TM7SF3: variants seen among roughly 807,000 people sequenced by gnomAD.
TM7SF3 encodes the protein transmembrane 7 superfamily member 3.
Under a neutral mutation model 65.5 loss-of-function variants are expected in TM7SF3, and 60 were observed. The observed-to-expected ratio is 0.92, with a 90% CI of 0.74 to 1.14. TM7SF3 has a LOEUF of 1.14. TM7SF3 is among the 50% of genes most tolerant of loss of function. The probability of loss-of-function intolerance (pLI) is 0.00; values close to 1 mark genes in which losing one functional copy is unlikely to be tolerated. For synonymous variants in TM7SF3, 264 were observed against 259.6 expected (o/e 1.02, Z -0.16); for missense variants, 623 against 684.8 (o/e 0.91, Z 1.01).
intron 7 of TM7SF3, among the ~76,000 whole-genome samples, chr12:26,981,177 C>A (rs1442350065): frequency 6.6e-6 from 1 of 152,190 alleles, no homozygotes. Context: ...CCTGGTAATG[C>A]AAGTATACAG....
chr12:27,009,128 T>C (rs994930674), intron 1 of TM7SF3, among the ~76,000 whole-genome samples: 4 of 152,222 alleles, frequency 2.6e-5, no homozygotes, highest in Admixed American at 2.0e-4. Flanking sequence ...CTGGCTTATT[T>C]GTCTAGCTAT....
At chr12:26,977,767 TGTGTG>T (rs2136377685) in intron 9 of TM7SF3, among the ~76,000 whole-genome samples, 1 of 1,190 alleles carries the variant, frequency 8.4e-4, no homozygotes, top group Non-Finnish European at 2.0e-3. Flanking sequence ...AAAAAAATAA[TGTGTG>T]TGTGTGTGTG....
chr12:26,973,843 A>T lies in TM7SF3; in HGVS notation c.*122T>A. The stretch of plus-strand genomic sequence containing the variant: ...CTTACCATATATCAATAAGGGCACC[A>T]TAATATTATGCAAAGAACAGATATA... On this transcript the variant is annotated 3_prime_UTR_variant, in exon 12 of 12. Coordinates refer to ENST00000343028, the MANE Select transcript of TM7SF3 (RefSeq NM_016551.3). 7.9e-7 allele frequency: 1 copy of T among 1,266,728 alleles called. No individual in the cohort carries two copies. The highest frequency in any genetic ancestry group is 1.1e-6 in the Non-Finnish European group (1 of 919,916). The allele number at this position is 1,266,728 out of a possible 1,614,324, so 78.5% of individuals were successfully genotyped here.
intron 6 of TM7SF3, 42 bp from the exon 7 acceptor site, chr12:26,982,901 G>T: frequency 7.3e-7 from 1 of 1,363,556 alleles, no homozygotes; most frequent in South Asian, 1.3e-5. Flanking sequence ...CATCCAATTT[G>T]ATACTTTGTA....
intron 6 of TM7SF3, among the ~76,000 whole-genome samples, chr12:26,985,647 AAAAAAAT>A (rs1940031432): frequency 6.2e-5 from 3 of 48,398 alleles, no homozygotes; most frequent in Non-Finnish European, 7.8e-5. Context: ...AAAAAAAAAA[AAAAAAAT>A]ATATATATAT....
At chr12:27,000,468 C>CT (rs964053045) in intron 2 of TM7SF3, among the ~76,000 whole-genome samples, 29 of 150,964 alleles carry the variant, frequency 1.9e-4, no homozygotes, top group African/African-American at 5.8e-4. Context: ...TATAATTTTT[C>CT]TTTTTTTTTG....
chr12:26,973,997 G>A lies in TM7SF3; in HGVS notation c.1681C>T (p.Pro561Ser). ...AGCAAAGGCGTTCTCTCTCCAGCTG[G>A]CTGCTCCTTCTGGAAGAGCCCTTTA... ...QIKGLFQKEQ[P>S]AGERTPLLL Residue 561 changes from proline (P) to serine (S), a missense_variant, in exon 12 of 12, where the codon CCA becomes TCA. Physicochemically the swap from Pro to Ser is moderately conservative, Grantham distance 74. Coordinates refer to ENST00000343028, the MANE Select transcript of TM7SF3 (RefSeq NM_016551.3). 1 of 1,614,192 alleles carries A rather than the reference G, an allele frequency of 6.2e-7. No individual in the cohort carries two copies. The highest frequency in any genetic ancestry group is 8.5e-7 in the Non-Finnish European group (1 of 1,180,042).
chr12:27,000,142 G>A (rs564278528), intron 2 of TM7SF3, among the ~76,000 whole-genome samples: 426 of 152,258 alleles, frequency 2.8e-3, no homozygotes, highest in South Asian at 6.8e-3. Context: ...CTAAATGGGG[G>A]CCCATGACCT....
At chr12:27,000,604 C>T (rs1478774733) in intron 2 of TM7SF3, among the ~76,000 whole-genome samples, 3 of 152,094 alleles carry the variant, frequency 2.0e-5, no homozygotes, top group African/African-American at 4.8e-5. Context: ...GGACTACAGG[C>T]GCCTGCCACC....
intron 2 of TM7SF3, among the ~76,000 whole-genome samples, chr12:27,002,405 C>T (rs529924546): frequency 6.6e-6 from 1 of 151,038 alleles, no homozygotes; most frequent in South Asian, 2.1e-4. Flanking sequence ...CACATTCCGG[C>T]GTGGGTGATG....
chr12:27,012,655 A>C (rs113185201), intron 1 of TM7SF3: 6 of 455,942 alleles, frequency 1.3e-5, no homozygotes, highest in African/African-American at 1.0e-4. Context: ...ACCAAGCACA[A>C]GACTTACAAT....
chr12:26,977,009 C>A (rs1157383245), intron 9 of TM7SF3, among the ~76,000 whole-genome samples: 1 of 152,172 alleles, frequency 6.6e-6, no homozygotes, highest in African/African-American at 2.4e-5. Flanking sequence ...TATGAGAACT[C>A]CTCTTTATAA....
intron 11 of TM7SF3, among the ~76,000 whole-genome samples, chr12:26,974,660 AC>A (rs1939495546): frequency 6.6e-6 from 1 of 152,146 alleles, no homozygotes; most frequent in African/African-American, 2.4e-5. Flanking sequence ...GCCCTACTGC[AC>A]TCACAGTGTA....
chr12:27,006,866 A>G (rs1941058607), intron 1 of TM7SF3, among the ~76,000 whole-genome samples: 2 of 152,238 alleles, frequency 1.3e-5, no homozygotes, highest in South Asian at 4.1e-4. Context: ...CTATTAATGA[A>G]CATCTAGGCT....
At chr12:26,986,610 C>A (rs908202095) in intron 6 of TM7SF3, among the ~76,000 whole-genome samples, 2 of 151,954 alleles carry the variant, frequency 1.3e-5, no homozygotes, top group African/African-American at 4.8e-5. Flanking sequence ...TCTTTAACAG[C>A]GGGATACGGC....
intron 6 of TM7SF3, among the ~76,000 whole-genome samples, chr12:26,988,509 AG>A (rs1940198752): frequency 6.6e-6 from 1 of 152,166 alleles, no homozygotes; most frequent in South Asian, 2.1e-4. Flanking sequence ...TGGAACAACT[AG>A]TAAATGTGCT....
chr12:26,992,971 G>A (rs942242495), intron 5 of TM7SF3, among the ~76,000 whole-genome samples: 5 of 145,972 alleles, frequency 3.4e-5, no homozygotes, highest in Non-Finnish European at 7.4e-5. Context: ...GTGCAGTGGC[G>A]TGATCTCAGC....
At chr12:27,013,020 C>T (rs548759097) in intron 1 of TM7SF3, 2 of 231,006 alleles carry the variant, frequency 8.7e-6, no homozygotes, top group African/African-American at 2.4e-5. Flanking sequence ...AAAAAGTCAC[C>T]TGAAATCATC....
Position 27,004,890 on chromosome 12 carries a change from T to C in TM7SF3, c.92-1500A>G, listed in dbSNP as rs188821238. 1.4e-4 allele frequency among the ~76,000 whole-genome samples: 21 copies of C among 152,322 alleles called. No individual in the cohort carries two copies. The East Asian group carries it at 4.1e-3, about 29-fold the overall frequency. On this transcript the variant is annotated intron_variant, in intron 1 of 11. Transcript: ENST00000343028. ...TATTTATGGTACCAGAAAGACATTTTACATTTTAAATGGACCAAACTCCAG... is the reference window on the plus strand; with the variant it reads ...TATTTATGGTACCAGAAAGACATTTCACATTTTAAATGGACCAAACTCCAG...
Sources: gnomAD v4.1 joint callset for allele counts (sites outside exome capture counted in the v4.1 genomes callset) on GRCh38, gnomAD v4.1.1 for gene constraint, MANE v1.5 for transcripts, NCBI Gene and HGNC (gene_info 2026-07-23, HGNC 2026-07-21) for gene names.